Variants in SLC39A14 observed in about 807,000 individuals in gnomAD.
The protein encoded by SLC39A14 is metal cation symporter ZIP14.
A neutral mutation model predicts 45.5 loss-of-function variants in SLC39A14; 19 were observed. The ratio of observed to expected loss-of-function variants is 0.42; its 90% CI spans 0.29 to 0.61. The LOEUF (loss-of-function observed/expected upper bound fraction) is 0.61. SLC39A14 is among the 20% of genes least tolerant of loss of function. SLC39A14 has a pLI of 0.22. For synonymous variants in SLC39A14, 264 were observed against 251.3 expected, an observed-to-expected ratio of 1.05 and a Z score of -0.48; for missense variants, 447 against 616.5, an observed-to-expected ratio of 0.73 and a Z score of 2.91.
At chr8:22,403,763 C>T (rs543267482) in intron 1 of SLC39A14, among the ~76,000 whole-genome samples, 3 of 151,310 alleles carry the variant, frequency 2.0e-5, no homozygotes, top group Non-Finnish European at 4.4e-5. Context: ...ACTAAAAATA[C>T]AAAAATTAGC....
intron 8 of SLC39A14, among the ~76,000 whole-genome samples, chr8:22,433,017 C>T (rs753932586): frequency 2.6e-5 from 4 of 151,684 alleles, no homozygotes; most frequent in Admixed American, 2.6e-4. Context: ...TTGCCCAGGC[C>T]GGTCTGGAAC....
chr8:22,432,365 T>C (rs574580924), intron 8 of SLC39A14, among the ~76,000 whole-genome samples: 48 of 150,116 alleles, frequency 3.2e-4, no homozygotes, highest in Admixed American at 6.0e-4. Flanking sequence ...TAGGTGAAGA[T>C]AAAGAAAAGT....
chr8:22,414,735 T>C (rs1835772403), intron 4 of SLC39A14, 45 bp from the exon 5 acceptor site: 2 of 1,574,940 alleles, frequency 1.3e-6, no homozygotes, highest in Non-Finnish European at 1.7e-6. Flanking sequence ...TCAGTAAAGA[T>C]GCTTTATTTT....
At chr8:22,375,287 A>G (rs1316001637) in intron 1 of SLC39A14, among the ~76,000 whole-genome samples, 2 of 149,012 alleles carry the variant, frequency 1.3e-5, no homozygotes, top group East Asian at 2.0e-4. Flanking sequence ...TCTGATTATT[A>G]AAAGTAATGC....
chr8:22,396,600 A>AGAGAGAGAGAGAAGGAC (rs1563534591), intron 1 of SLC39A14, among the ~76,000 whole-genome samples: 1 of 25,168 alleles, frequency 4.0e-5, no homozygotes, highest in Admixed American at 5.3e-4. Context: ...GAGAGAGAGA[A>AGAGAGAGAGAGAAGGAC]GACTAAGTGG....
chr8:22,419,661 TCCTC>T lies in SLC39A14; in HGVS notation c.1443_1446del (p.Leu482ProfsTer46). ...CTGACTGGATTCACCATCATGGTGG[TCCTC>T]ACCATGTATTCAGGACAGATCCAGA... On this transcript the variant is annotated frameshift_variant, in exon 9 of 9. Transcript: ENST00000381237. LOFTEE classifies it high-confidence loss of function. The T allele has an allele frequency of 6.2e-7, 1 of 1,613,704 alleles. No individual in the cohort carries two copies. Among genetic ancestry groups the T allele is most frequent in the East Asian group, 2.2e-5 (1 of 44,878 alleles).
chr8:22,379,324 G>A (rs1453726643), intron 1 of SLC39A14: 2 of 152,188 alleles, frequency 1.3e-5, no homozygotes, highest in African/African-American at 2.4e-5. Flanking sequence ...GTTATTTGCG[G>A]GGATAGTATT....
intron 3 of SLC39A14, chr8:22,409,923 C>G: frequency 6.2e-7 from 1 of 1,613,186 alleles, no homozygotes; most frequent in Non-Finnish European, 8.5e-7. Context: ...TAGAGGCCCT[C>G]GTCTGTTCTT....
intron 2 of SLC39A14, 39 bp from the exon 3 acceptor site, chr8:22,408,271 T>C: frequency 1.9e-6 from 3 of 1,583,014 alleles, no homozygotes; most frequent in Non-Finnish European, 2.6e-6. Context: ...GGCCTGACCT[T>C]TGGGGTCTAA....
At chr8:22,384,243 A>G (rs916405376) in intron 1 of SLC39A14, among the ~76,000 whole-genome samples, 3 of 152,172 alleles carry the variant, frequency 2.0e-5, no homozygotes, top group African/African-American at 7.2e-5. Context: ...TCCATGAGCC[A>G]CTGAGAAATT....
chr8:22,419,517 A>G (rs1836099608), intron 8 of SLC39A14, 35 bp from the exon 9 acceptor site: 3 of 1,584,234 alleles, frequency 1.9e-6, no homozygotes, highest in Non-Finnish European at 2.6e-6. Flanking sequence ...ATGAAGAAGG[A>G]ATTGCAGCTG....
Position 22,415,914 on chromosome 8 carries a change from C to G in SLC39A14, c.896C>G (p.Pro299Arg), listed in dbSNP as rs777123687. The part of the protein sequence containing the change: ...HCSSELDGKA[P>R]MVDEKVIVGS... ...AGCAGTGAGCTGGACGGCAAGGCGC[C>G]CATGGTGGACGAGAAGGTCATTGTG... Residue 299 changes from proline (P) to arginine (R), a missense_variant, in exon 6 of 9, where the codon CCC becomes CGC. By Grantham distance (103) the Pro-to-Arg change is moderately radical. Transcript: ENST00000381237. 5.0e-6 allele frequency: 8 copies of G among 1,609,120 alleles called. No individual in the cohort carries two copies. The highest frequency in any genetic ancestry group is 6.8e-6 in the Non-Finnish European group (8 of 1,177,460).
intron 1 of SLC39A14, among the ~76,000 whole-genome samples, chr8:22,372,870 A>G (rs1298143506): frequency 6.6e-6 from 1 of 152,162 alleles, no homozygotes; most frequent in Non-Finnish European, 1.5e-5. Context: ...TCTGGCTTCA[A>G]GCGATCCTTC....
exon 9 of SLC39A14, chr8:22,434,038 T>G: frequency 3.1e-6 from 1 of 318,638 alleles, no homozygotes; most frequent in Non-Finnish European, 6.4e-6. Flanking sequence ...ATGGGGACAA[T>G]ACTGTATATA....
intron 3 of SLC39A14, 167 bp from the exon 4 acceptor site, chr8:22,411,870 G>T: frequency 3.4e-6 from 2 of 596,010 alleles, no homozygotes; most frequent in Non-Finnish European, 5.9e-6. Context: ...CTCCCTACTT[G>T]TCTCTCTCTG....
At chr8:22,404,343 C>T (rs916186876) in intron 1 of SLC39A14, among the ~76,000 whole-genome samples, 5 of 151,132 alleles carry the variant, frequency 3.3e-5, no homozygotes, top group African/African-American at 1.2e-4. Flanking sequence ...AGGAGAATCA[C>T]TTGAACCCAG....
At chr8:22,373,855 G>GT (rs1833065523) in intron 1 of SLC39A14, among the ~76,000 whole-genome samples, 1 of 151,754 alleles carries the variant, frequency 6.6e-6, no homozygotes, top group South Asian at 2.1e-4. Flanking sequence ...TACCTCCCAG[G>GT]TTCAAGTGAT....
At chr8:22,431,380 T>C (rs972267247) in intron 8 of SLC39A14, among the ~76,000 whole-genome samples, 2 of 152,222 alleles carry the variant, frequency 1.3e-5, no homozygotes, top group East Asian at 1.9e-4. Context: ...TTTACTATGG[T>C]TTTTAAAATA....
chr8:22,391,757 A>T (rs7016749), intron 1 of SLC39A14, among the ~76,000 whole-genome samples: 20,519 of 152,004 alleles, frequency 0.13, 1,409 homozygotes, highest in East Asian at 0.19. Context: ...TTTAGTAGAG[A>T]CGGGGTTTCA....
Sources: gnomAD v4.1 joint callset for allele counts (sites outside exome capture counted in the v4.1 genomes callset) on GRCh38, gnomAD v4.1.1 for gene constraint, MANE v1.5 for transcripts, NCBI Gene and HGNC (gene_info 2026-07-23, HGNC 2026-07-21) for gene names.